The following GRIN2D variants were observed in gnomAD, a reference collection of about 807,000 sequenced individuals.
GRIN2D encodes glutamate ionotropic receptor NMDA type subunit 2D.
Under a neutral mutation model 103.2 loss-of-function variants are expected in GRIN2D, and 37 were observed. That is an observed-to-expected ratio of 0.36 (90% CI 0.28 to 0.47). The LOEUF is 0.47. GRIN2D is among the 20% of genes least tolerant of loss of function. GRIN2D has a pLI of 1.00. For synonymous variants in GRIN2D, 845 were observed against 885.6 expected (o/e 0.95, Z 0.81); for missense variants, 1,557 against 1,910.6 (o/e 0.81, Z 3.45).
At chr19:48,423,993 A>T (rs935541073) in intron 11 of GRIN2D, among the ~76,000 whole-genome samples, 12 of 151,566 alleles carry the variant, frequency 7.9e-5, no homozygotes, top group Non-Finnish European at 1.6e-4. Flanking sequence ...TAATTTTTGT[A>T]TTTTTGGTAG....
In GRIN2D at chr19:48,404,719, C is replaced by T; in HGVS notation, c.466-15C>T. The T allele has an allele frequency of 6.3e-7, 1 of 1,575,226 alleles. No homozygotes were observed. Among genetic ancestry groups the T allele is most frequent in the South Asian group, 1.2e-5 (1 of 84,856 alleles). On this transcript the variant is annotated splice_polypyrimidine_tract_variant and intron_variant, in intron 3 of 13. Coordinates refer to ENST00000263269, the MANE Select transcript of GRIN2D (RefSeq NM_000836.4). ...CCACATCGGCAGGCCTGACATCCTC[C>T]TCCCTCCCTGGCAGGAGAAGGGCTC...
chr19:48,434,225 C>T (rs1362332266), intron 11 of GRIN2D, among the ~76,000 whole-genome samples: 1 of 151,656 alleles, frequency 6.6e-6, no homozygotes, highest in Non-Finnish European at 1.5e-5. Flanking sequence ...GCTGGCATTA[C>T]AGGCACAAGC....
chr19:48,438,289 T>TTTTTTTTTGTTTG (rs1971254561), intron 11 of GRIN2D, among the ~76,000 whole-genome samples: 25 of 15,452 alleles, frequency 1.6e-3, no homozygotes, highest in African/African-American at 4.5e-3. Context: ...CCAGCCGCCT[T>TTTTTTTTTGTTTG]TTTTTTTTTT....
intron 11 of GRIN2D, among the ~76,000 whole-genome samples, chr19:48,422,609 C>CA (rs551643081): frequency 0.027 from 3,296 of 122,280 alleles, 99 homozygotes; most frequent in African/African-American, 0.077. Flanking sequence ...GACTCCGTCT[C>CA]AAAAAAAAAA....
intron 4 of GRIN2D, 34 bp from the exon 5 acceptor site, chr19:48,413,957 C>A (rs1276725788): frequency 1.6e-6 from 2 of 1,223,096 alleles, no homozygotes; most frequent in Non-Finnish European, 2.4e-6. Flanking sequence ...CCAGCCCAGG[C>A]CCCAGCATGT....
At chr19:48,437,791 G>A (rs1971248537) in intron 11 of GRIN2D, among the ~76,000 whole-genome samples, 1 of 152,058 alleles carries the variant, frequency 6.6e-6, no homozygotes, top group African/African-American at 2.4e-5. Flanking sequence ...AGAAACGTAG[G>A]GAAAAATTAC....
intron 4 of GRIN2D, among the ~76,000 whole-genome samples, chr19:48,411,638 G>T (rs1416723694): frequency 2.0e-5 from 3 of 151,792 alleles, no homozygotes; most frequent in Non-Finnish European, 4.4e-5. Flanking sequence ...GACAGAGCAA[G>T]ACTCCATCTC....
rs187245286 is a variant in GRIN2D, at chr19:48,396,113, T to C, written c.-27+1177T>C. Among the ~76,000 whole-genome samples, 319 of 151,778 alleles carry C rather than the reference T, an allele frequency of 2.1e-3. 1 individual carries two copies. The highest frequency in any genetic ancestry group is 7.2e-3 in the African/African-American group (296 of 41,330). ...CCCTGACAGGGCAGGAGATGAGTGT[T>C]GGGGACTTTAGCCCTATGCAGATGG... On this transcript the variant is annotated intron_variant, in intron 2 of 13. Transcript: ENST00000263269.
In GRIN2D at chr19:48,421,423, C is replaced by T. The variant is rs992476828; in HGVS notation, c.2092-362C>T. ...AGCCTGGGCAACAAGAGCAAGACTC[C>T]GTTTAAAAAAAAAAAAGTGAACTAT... is the stretch of plus-strand genomic sequence containing the variant. On this transcript the variant is annotated intron_variant, in intron 10 of 13. Transcript: ENST00000263269. This position sits in a 1 kb window ranked among gnomAD's most constrained non-coding sequence, Gnocchi z 4.8. Among the ~76,000 whole-genome samples, 5 of 88,200 alleles carry T rather than the reference C, an allele frequency of 5.7e-5. No homozygotes were observed. Among genetic ancestry groups the T allele is most frequent in the African/African-American group, 1.7e-4 (2 of 11,486 alleles). The allele number at this position is 88,200 out of a possible 152,430, so 57.9% of individuals were successfully genotyped here. A position where few individuals can be genotyped will look rare whatever the true frequency, so the allele number is the denominator to read the frequency against.
At chr19:48,400,651 C>G (rs1970700451) in intron 3 of GRIN2D, among the ~76,000 whole-genome samples, 1 of 152,126 alleles carries the variant, frequency 6.6e-6, no homozygotes, top group Non-Finnish European at 1.5e-5. Context: ...CCGTGCTGCC[C>G]CTGGATGGAA....
chr19:48,429,688 C>T lies in GRIN2D; in HGVS notation c.2252+7743C>T, dbSNP rs189375280. On this transcript the variant is annotated intron_variant, in intron 11 of 13. Transcript: ENST00000263269. ...TGCTGGGATTACAGGCATGAGCCAC[C>T]GGGCCCGGCCTAATTTTAATTTTTT... Among the ~76,000 whole-genome samples the T allele has an allele frequency of 4.4e-3, 663 of 151,730 alleles. 10 individuals carry two copies. The highest frequency in any genetic ancestry group is 0.034 in the South Asian group (162 of 4,786).
Position 48,413,985 on chromosome 19 carries a change from G to T in GRIN2D, c.1086-6G>T. 1 of 1,548,766 alleles carries T rather than the reference G, an allele frequency of 6.5e-7. No homozygotes were observed. The highest frequency in any genetic ancestry group is 1.1e-5 in the South Asian group (1 of 89,850). ...CAGCATGTCCCCTTTCCCTCCTCCT[G>T]GGCAGGTACTTCATGAACATCACGT... is the stretch of plus-strand genomic sequence containing the variant. On this transcript the variant is annotated splice_polypyrimidine_tract_variant and splice_region_variant and intron_variant, in intron 4 of 13. Transcript: ENST00000263269.
At position 48,443,307 on chromosome 19, in the gene GRIN2D, C is replaced by T; in HGVS notation, c.3381C>T (p.Gly1127=). 6.5e-7 allele frequency: 1 copy of T among 1,527,798 alleles called. No individual in the cohort carries two copies. The highest frequency in any genetic ancestry group is 2.7e-5 in the East Asian group (1 of 36,682). 94.6% of individuals were successfully genotyped at this position (1,527,798 alleles called of 1,614,324 possible). Reference sequence around the variant, plus strand: ...AGAGCCTGGGCGGCGCGTCGCTGGGCGGCCTGGAGCCCTGGTGGTTCGCCG... The same window carrying T: ...AGAGCCTGGGCGGCGCGTCGCTGGGTGGCCTGGAGCCCTGGTGGTTCGCCG... ...DSESLGGASL[G]GLEPWWFADF... The change falls in exon 14 of 14, where the codon GGC becomes GGT. Residue 1127 remains glycine, a synonymous_variant. Coordinates refer to ENST00000263269, the MANE Select transcript of GRIN2D (RefSeq NM_000836.4). This position sits in a 1 kb window ranked among gnomAD's most constrained non-coding sequence, Gnocchi z 8.9.
chr19:48,426,241 T>TTTTTTTC (rs1569068431), intron 11 of GRIN2D, among the ~76,000 whole-genome samples: 1 of 148,058 alleles, frequency 6.8e-6, no homozygotes, highest in African/African-American at 2.5e-5. Flanking sequence ...TTTTTTTTTT[T>TTTTTTTC]CTGAAACAGA....
At chr19:48,436,136 A>T (rs1485096722) in intron 11 of GRIN2D, among the ~76,000 whole-genome samples, 1 of 152,162 alleles carries the variant, frequency 6.6e-6, no homozygotes, top group African/African-American at 2.4e-5. Flanking sequence ...AGAGTCATTC[A>T]CGCAGAGCCG....
chr19:48,435,785 G>T (rs546205095), intron 11 of GRIN2D, among the ~76,000 whole-genome samples: 1 of 152,348 alleles, frequency 6.6e-6, no homozygotes, highest in Admixed American at 6.5e-5. Flanking sequence ...TGTGTGCTAG[G>T]CACTGTTCTA....
chr19:48,407,499 G>T (rs1167936033), intron 4 of GRIN2D, among the ~76,000 whole-genome samples: 1 of 152,200 alleles, frequency 6.6e-6, no homozygotes, highest in Non-Finnish European at 1.5e-5. Flanking sequence ...ATTAGCCTCA[G>T]TCTGCCTTCC....
chr19:48,442,399 G>C lies in GRIN2D; in HGVS notation c.2673+17G>C. 6.3e-7 allele frequency: 1 copy of C among 1,595,696 alleles called. No homozygotes were observed. Among genetic ancestry groups the C allele is most frequent in the South Asian group, 1.1e-5 (1 of 90,870 alleles). On this transcript the variant is annotated intron_variant, in intron 13 of 13. Coordinates refer to ENST00000263269, the MANE Select transcript of GRIN2D (RefSeq NM_000836.4). This position sits in a 1 kb window ranked among gnomAD's most constrained non-coding sequence, Gnocchi z 7.2. ...TTCTCCAGGGTATGGGGCAGAGAGG[G>C]AGGCAGAGAGGGGGAGATGGCAGGG... is the stretch of plus-strand genomic sequence containing the variant.
Position 48,411,651 on chromosome 19 carries a change from T to TAATA in GRIN2D, c.1086-2322_1086-2319dup, listed in dbSNP as rs555516676. Among the ~76,000 whole-genome samples, 1,258 of 151,378 alleles carry TAATA rather than the reference T, an allele frequency of 8.3e-3. 13 individuals carry two copies. Among genetic ancestry groups the TAATA allele is most frequent in the African/African-American group, 0.025 (1,031 of 41,244 alleles). On this transcript the variant is annotated intron_variant, in intron 4 of 13. Transcript: ENST00000263269. The stretch of plus-strand genomic sequence containing the variant: ...GTGACAGAGCAAGACTCCATCTCAA[T>TAATA]AATAAATAAATAAATAAATAAGAAG...
Sources: allele counts gnomAD v4.1 joint callset (sites outside exome capture counted in the v4.1 genomes callset), GRCh38; gene constraint gnomAD v4.1.1; non-coding constraint Gnocchi (gnomAD v3.1); transcripts MANE v1.5; gene names NCBI Gene and HGNC (gene_info 2026-07-23, HGNC 2026-07-21).